FAM13A: variants seen among roughly 807,000 people sequenced by gnomAD.
The protein encoded by FAM13A is family with sequence similarity 13 member A, also known as protein FAM13A.
FAM13A carries 76 observed loss-of-function variants against 129.6 expected under a neutral mutation model. That is an observed-to-expected ratio of 0.59 (90% CI 0.49 to 0.71). The LOEUF (loss-of-function observed/expected upper bound fraction) is 0.71. Ranked by LOEUF, FAM13A falls within the 30% of genes least tolerant of loss-of-function variation. The pLI is 0.00. For missense variants in FAM13A, 1,108 were observed against 1,249.3 expected (o/e 0.89, Z 1.70); for synonymous variants, 443 against 449.9 (o/e 0.98, Z 0.20).
chr4:88,731,273 G>T, intron 23 of FAM13A, 54 bp downstream of exon 23: 1 of 950,938 alleles, frequency 1.1e-6, no homozygotes. Context: ...CAAGAGGGAT[G>T]GGTGTGTGTG....
At chr4:88,992,826 A>C (rs913132222) in intron 3 of FAM13A, among the ~76,000 whole-genome samples, 4 of 152,238 alleles carry the variant, frequency 2.6e-5, no homozygotes, top group African/African-American at 7.2e-5. Flanking sequence ...ACTACAATCC[A>C]TTACTTTAAC....
chr4:88,777,572 A>T (rs543829499), intron 11 of FAM13A, among the ~76,000 whole-genome samples: 7 of 152,242 alleles, frequency 4.6e-5, no homozygotes, highest in African/African-American at 1.4e-4. Context: ...AATTATCTGT[A>T]GTTTCTCAGT....
At chr4:88,938,518 A>G (rs968705119) in intron 4 of FAM13A, among the ~76,000 whole-genome samples, 3 of 152,216 alleles carry the variant, frequency 2.0e-5, no homozygotes, top group Non-Finnish European at 4.4e-5. Flanking sequence ...GAATATATTA[A>G]AAATTATTAC....
chr4:88,832,454 TA>T (rs774895377), intron 7 of FAM13A, among the ~76,000 whole-genome samples: 1 of 152,070 alleles, frequency 6.6e-6, no homozygotes, highest in Non-Finnish European at 1.5e-5. Context: ...ACAGACAACC[TA>T]CAGAATAGGA....
rs1741691022 is a variant in FAM13A at position 88,747,826 on chromosome 4, C to T, written c.2187G>A (p.Glu729=). 1.2e-6 allele frequency: 2 copies of T among 1,613,518 alleles called. No homozygotes were observed. Among genetic ancestry groups the T allele is most frequent in the Non-Finnish European group, 1.7e-6 (2 of 1,179,448 alleles). The change falls in exon 18 of 24, where the codon GAG becomes GAA. Residue 729 remains glutamate (E), a synonymous_variant. Transcript: ENST00000264344. ...LKESKLKISE[E]DLTPRMRQRS... Reference sequence around the variant, plus strand: ...GCTGCCGCATCCTGGGAGTTAGGTCCTCTTCAGATATCTTTAGTTTTGATT... The same window carrying T: ...GCTGCCGCATCCTGGGAGTTAGGTCTTCTTCAGATATCTTTAGTTTTGATT...
At chr4:88,773,620 G>T (rs894747691) in intron 11 of FAM13A, among the ~76,000 whole-genome samples, 1 of 152,072 alleles carries the variant, frequency 6.6e-6, no homozygotes, top group African/African-American at 2.4e-5. Context: ...AGGTCTCAGG[G>T]CTTAGTCCTT....
intron 3 of FAM13A, 130 bp downstream of exon 3, chr4:89,020,330 T>G (rs2149108052): frequency 4.7e-6 from 2 of 429,524 alleles, no homozygotes; most frequent in East Asian, 4.6e-5. Flanking sequence ...TTGCCCACGG[T>G]GGTCTTCAAC....
intron 14 of FAM13A, among the ~76,000 whole-genome samples, chr4:88,756,113 G>A (rs1412670585): frequency 6.6e-6 from 1 of 152,156 alleles, no homozygotes; most frequent in Non-Finnish European, 1.5e-5. Context: ...AAATAACACA[G>A]AATAGTACAT....
chr4:88,962,845 C>T (rs1043714891), intron 4 of FAM13A, among the ~76,000 whole-genome samples: 1 of 152,080 alleles, frequency 6.6e-6, no homozygotes, highest in Non-Finnish European at 1.5e-5. Context: ...TAAGGGAATA[C>T]TATGACAACT....
chr4:88,753,244 T>C (rs1165650199), intron 14 of FAM13A, among the ~76,000 whole-genome samples: 1 of 152,246 alleles, frequency 6.6e-6, no homozygotes, highest in Non-Finnish European at 1.5e-5. Context: ...TGATCTTGAA[T>C]TCACTAGAAA....
intron 6 of FAM13A, among the ~76,000 whole-genome samples, chr4:88,885,491 T>G (rs971293712): frequency 6.6e-6 from 1 of 152,190 alleles, no homozygotes; most frequent in African/African-American, 2.4e-5. Context: ...ATCTCTCACC[T>G]TTTACAAAAA....
intron 7 of FAM13A, among the ~76,000 whole-genome samples, chr4:88,839,556 T>C (rs1735441230): frequency 1.3e-5 from 2 of 149,146 alleles, no homozygotes; most frequent in African/African-American, 2.5e-5. Flanking sequence ...TTGTTAAATA[T>C]TGAAGTGGAC....
intron 6 of FAM13A, among the ~76,000 whole-genome samples, chr4:88,885,044 T>C (rs765430267): frequency 3.0e-4 from 45 of 152,056 alleles, no homozygotes; most frequent in African/African-American, 9.9e-4. Context: ...CTTGGATAGG[T>C]AGAATCAATA....
At position 88,992,419 on chromosome 4, in the gene FAM13A, C is replaced by T. The variant is rs146801630; in HGVS notation, c.428-1269G>A. Among the ~76,000 whole-genome samples the T allele has an allele frequency of 2.0e-3, 309 of 152,146 alleles. 1 individual carries two copies. Among genetic ancestry groups the T allele is most frequent in the African/African-American group, 6.9e-3 (285 of 41,522 alleles). On this transcript the variant is annotated intron_variant, in intron 3 of 23. Transcript: ENST00000264344. ...GTAGCCGGGATTGATTACAGGTGCACACCACCATGCCCGGCTAATTTTTGT... is the reference window on the plus strand; with the variant it reads ...GTAGCCGGGATTGATTACAGGTGCATACCACCATGCCCGGCTAATTTTTGT...
chr4:88,791,134 G>T (rs1725055664), intron 8 of FAM13A, among the ~76,000 whole-genome samples: 1 of 152,050 alleles, frequency 6.6e-6, no homozygotes, highest in Admixed American at 6.6e-5. Context: ...AACCGATATT[G>T]TTTTCTATAT....
At chr4:88,976,205 A>T (rs1017266149) in intron 4 of FAM13A, among the ~76,000 whole-genome samples, 1 of 152,182 alleles carries the variant, frequency 6.6e-6, no homozygotes, top group African/African-American at 2.4e-5. Flanking sequence ...TGGCTGACTT[A>T]AAAGATCTTG....
intron 6 of FAM13A, among the ~76,000 whole-genome samples, chr4:88,890,145 C>T (rs1286824262): frequency 6.6e-6 from 1 of 152,194 alleles, no homozygotes; most frequent in Admixed American, 6.5e-5. Context: ...GTCTGGTCTC[C>T]AGCTCAGCCT....
intron 3 of FAM13A, among the ~76,000 whole-genome samples, chr4:89,018,159 T>C (rs1464793618): frequency 6.6e-6 from 1 of 152,172 alleles, no homozygotes; most frequent in Non-Finnish European, 1.5e-5. Context: ...CTAACCTCCA[T>C]ACCTCAGAAT....
intron 21 of FAM13A, among the ~76,000 whole-genome samples, chr4:88,737,255 G>A (rs1439461655): frequency 1.3e-5 from 2 of 152,122 alleles, no homozygotes; most frequent in African/African-American, 2.4e-5. Flanking sequence ...GGAATAAAAT[G>A]AAACCAAAGA....
Sources: allele counts gnomAD v4.1 joint callset (sites outside exome capture counted in the v4.1 genomes callset), GRCh38; gene constraint gnomAD v4.1.1; transcripts MANE v1.5; gene names NCBI Gene and HGNC (gene_info 2026-07-23, HGNC 2026-07-21).